TBC1D4: variants seen among roughly 807,000 people sequenced by gnomAD.
TBC1D4 encodes TBC (Tre-2, BUB2, CDC16) domain-containing protein.
TBC1D4 carries 121 observed loss-of-function variants against 142.5 expected under a neutral mutation model. The observed-to-expected ratio is 0.85, with a 90% CI of 0.73 to 0.99. TBC1D4 has a LOEUF of 0.99. TBC1D4 is among the 50% of genes least tolerant of loss of function. The probability of loss-of-function intolerance (pLI) is 0.00; values close to 1 mark genes in which losing one functional copy is unlikely to be tolerated. For missense variants in TBC1D4, 1,475 were observed against 1,606.6 expected, an observed-to-expected ratio of 0.92 and a Z score of 1.40; for synonymous variants, 630 against 628.2, an observed-to-expected ratio of 1.00 and a Z score of -0.04.
chr13:75,400,806 CACAT>C (rs1885053568), intron 1 of TBC1D4, among the ~76,000 whole-genome samples: 1 of 152,082 alleles, frequency 6.6e-6, no homozygotes, highest in Non-Finnish European at 1.5e-5. Context: ...CCAGCACACA[CACAT>C]AGAGTGAAAT....
chr13:75,417,157 C>T (rs1885954763), intron 1 of TBC1D4, among the ~76,000 whole-genome samples: 1 of 152,178 alleles, frequency 6.6e-6, no homozygotes, highest in African/African-American at 2.4e-5. Flanking sequence ...CACACCACAC[C>T]CTGTCCCCCA....
intron 15 of TBC1D4, among the ~76,000 whole-genome samples, chr13:75,304,702 G>A (rs759265925): frequency 1.3e-5 from 2 of 152,066 alleles, no homozygotes; most frequent in Non-Finnish European, 2.9e-5. Flanking sequence ...ACCGCATAAA[G>A]GCCCTGAGAC....
intron 1 of TBC1D4, among the ~76,000 whole-genome samples, chr13:75,470,942 C>T (rs115584738): frequency 0.04 from 5,995 of 151,214 alleles, 407 homozygotes; most frequent in African/African-American, 0.13. Context: ...AGCCAAGATC[C>T]GCCACTGCAC....
intron 18 of TBC1D4, among the ~76,000 whole-genome samples, chr13:75,294,089 G>A (rs1875621210): frequency 6.6e-6 from 1 of 152,222 alleles, no homozygotes; most frequent in African/African-American, 2.4e-5. Flanking sequence ...AACCTCTGAT[G>A]AAGAGTTGGT....
chr13:75,351,821 AC>A (rs1016248649), intron 4 of TBC1D4, among the ~76,000 whole-genome samples: 2 of 152,054 alleles, frequency 1.3e-5, no homozygotes, highest in African/African-American at 4.8e-5. Context: ...CCGTTGTTGG[AC>A]ATTTAGGTTG....
At chr13:75,381,065 T>C (rs557623409) in intron 1 of TBC1D4, among the ~76,000 whole-genome samples, 4 of 152,342 alleles carry the variant, frequency 2.6e-5, no homozygotes, top group South Asian at 2.1e-4. Flanking sequence ...CTGTAACCTA[T>C]AAAAACTGTG....
chr13:75,286,503 T>A lies in TBC1D4; in HGVS notation c.*289A>T, dbSNP rs1204312273. 1.1e-5 allele frequency: 3 copies of A among 262,138 alleles called. No individual in the cohort carries two copies. The highest frequency in any genetic ancestry group is 2.2e-5 in the Non-Finnish European group (3 of 138,288). The allele number at this position is 262,138 out of a possible 1,614,324, so 16.2% of individuals were successfully genotyped here. On this transcript the variant is annotated 3_prime_UTR_variant, in exon 21 of 21. Transcript: ENST00000377636. ...TTTCATGAAGTTCTGACTAAAAAAA[T>A]TAATCTAAATATACATCTACTCATT...
intron 2 of TBC1D4, among the ~76,000 whole-genome samples, chr13:75,361,823 C>T (rs1471960260): frequency 6.6e-6 from 1 of 152,126 alleles, no homozygotes; most frequent in Non-Finnish European, 1.5e-5. Context: ...AATTCTTATA[C>T]TCCACACTCC....
chr13:75,475,027 G>A (rs937228851), intron 1 of TBC1D4, among the ~76,000 whole-genome samples: 3 of 152,192 alleles, frequency 2.0e-5, no homozygotes, highest in African/African-American at 7.2e-5. Context: ...TGAAGCTAAA[G>A]GGTGATCTCC....
intron 1 of TBC1D4, among the ~76,000 whole-genome samples, chr13:75,408,334 T>C (rs1227502100): frequency 1.3e-5 from 2 of 152,348 alleles, no homozygotes; most frequent in Admixed American, 1.3e-4. Context: ...ATATGAAACA[T>C]TTTGTTTATC....
intron 17 of TBC1D4, among the ~76,000 whole-genome samples, chr13:75,296,956 GGAGT>G (rs1875993013): frequency 6.6e-6 from 1 of 152,034 alleles, no homozygotes; most frequent in African/African-American, 2.4e-5. Context: ...GAAATCCTGT[GGAGT>G]GAGTCCAAAC....
At chr13:75,460,004 G>T (rs1044449512) in intron 1 of TBC1D4, among the ~76,000 whole-genome samples, 2 of 152,094 alleles carry the variant, frequency 1.3e-5, no homozygotes, top group African/African-American at 4.8e-5. Flanking sequence ...TTAGCTGGGT[G>T]TGGTGGCAGG....
chr13:75,388,851 G>T (rs1332126613), intron 1 of TBC1D4, among the ~76,000 whole-genome samples: 3 of 152,160 alleles, frequency 2.0e-5, no homozygotes, highest in Non-Finnish European at 4.4e-5. Context: ...CTCACCATAT[G>T]TGCATATAGG....
chr13:75,324,122 G>A (rs761909232), intron 11 of TBC1D4, 115 bp downstream of exon 11: 450 of 1,200,484 alleles, frequency 3.7e-4, no homozygotes, highest in Non-Finnish European at 5.2e-4. Flanking sequence ...ATTAGAACAA[G>A]CACAACACAG....
At chr13:75,471,006 T>C (rs993773045) in intron 1 of TBC1D4, among the ~76,000 whole-genome samples, 2 of 151,702 alleles carry the variant, frequency 1.3e-5, no homozygotes, top group South Asian at 2.1e-4. Context: ...AAAAACTATA[T>C]GGTGGGCTTA....
chr13:75,361,975 T>C (rs769668570), intron 2 of TBC1D4, 51 bp downstream of exon 2: 1 of 1,605,198 alleles, frequency 6.2e-7, no homozygotes, highest in Admixed American at 1.7e-5. Context: ...CCCAGCTACT[T>C]CCATCTGGCA....
chr13:75,465,922 T>C (rs1888148151), intron 1 of TBC1D4, among the ~76,000 whole-genome samples: 1 of 152,182 alleles, frequency 6.6e-6, no homozygotes, highest in Admixed American at 6.5e-5. Context: ...AGAAAATCTT[T>C]TAATCTACCT....
rs1593851180 is a variant in TBC1D4 at position 75,286,580 on chromosome 13, T to C, written c.*212A>G. 7.0e-6 allele frequency: 4 copies of C among 567,416 alleles called. No individual in the cohort carries two copies. The highest frequency in any genetic ancestry group is 2.3e-5 in the South Asian group (1 of 44,436). The allele number at this position is 567,416 out of a possible 1,614,324, so 35.1% of individuals were successfully genotyped here. A position where few individuals can be genotyped will look rare whatever the true frequency, so the allele number is the denominator to read the frequency against. On this transcript the variant is annotated 3_prime_UTR_variant, in exon 21 of 21. Coordinates refer to ENST00000377636, the MANE Select transcript of TBC1D4 (RefSeq NM_014832.5). ...TTTTATATATATATTTATATGTACATAGCAACAACAAAAACCAGTCTACAT... is the reference window on the plus strand; with the variant it reads ...TTTTATATATATATTTATATGTACACAGCAACAACAAAAACCAGTCTACAT...
chr13:75,424,665 C>T (rs1886308336), intron 1 of TBC1D4, among the ~76,000 whole-genome samples: 2 of 152,162 alleles, frequency 1.3e-5, no homozygotes, highest in Non-Finnish European at 2.9e-5. Flanking sequence ...TAAAAGCATA[C>T]ACATAGGCCA....
Sources: allele counts gnomAD v4.1 joint callset (sites outside exome capture counted in the v4.1 genomes callset), GRCh38; gene constraint gnomAD v4.1.1; transcripts MANE v1.5; gene names NCBI Gene and HGNC (gene_info 2026-07-23, HGNC 2026-07-21).